SLC4A4: variants seen among roughly 807,000 people sequenced by gnomAD.
SLC4A4 encodes solute carrier family 4 member 4, also known as electrogenic sodium bicarbonate cotransporter 1.
A neutral mutation model predicts 111.5 loss-of-function variants in SLC4A4; 27 were observed. The ratio of observed to expected loss-of-function variants is 0.24; its 90% CI spans 0.18 to 0.33. The LOEUF (loss-of-function observed/expected upper bound fraction) is 0.33. Among genes scored for constraint, SLC4A4 ranks in the 10% least tolerant of loss-of-function variants. The pLI is 1.00. For synonymous variants in SLC4A4, 443 were observed against 463.4 expected (o/e 0.96, Z 0.57); for missense variants, 909 against 1,315.5 (o/e 0.69, Z 4.78).
intron 15 of SLC4A4, among the ~76,000 whole-genome samples, chr4:71,496,630 C>T (rs981966808): frequency 4.6e-5 from 7 of 151,972 alleles, no homozygotes; most frequent in Non-Finnish European, 8.8e-5. Context: ...GCAGCTAGTA[C>T]TCAGAGCAAC....
intron 2 of SLC4A4, among the ~76,000 whole-genome samples, chr4:71,170,308 G>A (rs1325976126): frequency 6.6e-6 from 1 of 152,142 alleles, no homozygotes; most frequent in Admixed American, 6.6e-5. Context: ...TCAGTACTTT[G>A]CTGAATCTTG....
At chr4:71,150,241 A>G (rs1427063436) in intron 2 of SLC4A4, among the ~76,000 whole-genome samples, 3 of 152,168 alleles carry the variant, frequency 2.0e-5, no homozygotes, top group Non-Finnish European at 4.4e-5. Context: ...GAAACAGAGT[A>G]TCTGGAAACA....
Position 71,515,561 on chromosome 4 carries a change from G to C in SLC4A4, c.2167-16501G>C, listed in dbSNP as rs56348208. 9.0e-3 allele frequency among the ~76,000 whole-genome samples: 1,377 copies of C among 152,252 alleles called. 21 individuals carry two copies. The highest frequency in any genetic ancestry group is 0.03 in the African/African-American group (1,260 of 41,544). On this transcript the variant is annotated intron_variant, in intron 16 of 25. Transcript: ENST00000264485. The stretch of plus-strand genomic sequence containing the variant: ...AAATCTAGATTATCTATTTAATGCT[G>C]ACAACGGGGTGTTAAAATCTTCTAC...
chr4:71,516,849 C>G (rs904684762), intron 16 of SLC4A4, among the ~76,000 whole-genome samples: 3 of 152,120 alleles, frequency 2.0e-5, no homozygotes, highest in Non-Finnish European at 2.9e-5. Context: ...GTTCTTCTTT[C>G]TGGAAAGAGT....
At chr4:71,329,791 T>C (rs565949636) in intron 3 of SLC4A4, among the ~76,000 whole-genome samples, 9 of 152,178 alleles carry the variant, frequency 5.9e-5, no homozygotes, top group Non-Finnish European at 1.2e-4. Context: ...TCTTTCCAAA[T>C]TGAATGCCCT....
chr4:71,282,719 A>G (rs1451779714), intron 3 of SLC4A4, among the ~76,000 whole-genome samples: 1 of 151,168 alleles, frequency 6.6e-6, no homozygotes, highest in Non-Finnish European at 1.5e-5. Context: ...AGTAGCTGGG[A>G]CCACAGGTGT....
At chr4:71,521,666 A>G (rs1050307915) in intron 16 of SLC4A4, among the ~76,000 whole-genome samples, 12 of 152,138 alleles carry the variant, frequency 7.9e-5, no homozygotes, top group South Asian at 2.1e-4. Context: ...AGTATATGGA[A>G]ACCACAGAAG....
At chr4:71,426,525 A>T (rs1560498810) in intron 7 of SLC4A4, among the ~76,000 whole-genome samples, 1 of 152,138 alleles carries the variant, frequency 6.6e-6, no homozygotes, top group African/African-American at 2.4e-5. Context: ...TAGGCAACGT[A>T]CTAGTCTCTA....
At chr4:71,328,206 T>C (rs920054145) in intron 3 of SLC4A4, among the ~76,000 whole-genome samples, 1 of 152,142 alleles carries the variant, frequency 6.6e-6, no homozygotes, top group Non-Finnish European at 1.5e-5. Context: ...ATATATCACA[T>C]TTCAAAAATC....
chr4:71,128,428 C>T (rs1366758394), intron 2 of SLC4A4, among the ~76,000 whole-genome samples: 1 of 152,024 alleles, frequency 6.6e-6, no homozygotes, highest in Non-Finnish European at 1.5e-5. Context: ...TGAGTGGGGA[C>T]ACAGAGCCAA....
rs147057697 is a variant in SLC4A4, at chr4:71,182,004, T to C, written c.-1-54572T>C. On this transcript the variant is annotated intron_variant, in intron 2 of 26. Transcript: ENST00000649996. Reference sequence around the variant, plus strand: ...CTGGGATAGTTGGACACCCTCTTCATAGCATTTATCACTTCATTGCATTTA... The same window carrying C: ...CTGGGATAGTTGGACACCCTCTTCACAGCATTTATCACTTCATTGCATTTA... Among the ~76,000 whole-genome samples, 755 of 152,332 alleles carry C rather than the reference T, an allele frequency of 5.0e-3. 5 individuals are homozygous for C. The highest frequency in any genetic ancestry group is 8.8e-3 in the Admixed American group (134 of 15,298).
At chr4:71,357,618 T>C (rs1730402377) in intron 6 of SLC4A4, among the ~76,000 whole-genome samples, 1 of 152,204 alleles carries the variant, frequency 6.6e-6, no homozygotes, top group African/African-American at 2.4e-5. Context: ...AAGTGTTTGC[T>C]TAGTATGTGA....
At chr4:71,439,283 C>T (rs1724455248) in intron 7 of SLC4A4, among the ~76,000 whole-genome samples, 1 of 150,846 alleles carries the variant, frequency 6.6e-6, no homozygotes, top group South Asian at 2.1e-4. Context: ...AAAAAATTAC[C>T]CAGGCATGGT....
At chr4:71,389,261 C>T (rs1719051774) in intron 6 of SLC4A4, among the ~76,000 whole-genome samples, 1 of 152,178 alleles carries the variant, frequency 6.6e-6, no homozygotes, top group African/African-American at 2.4e-5. Flanking sequence ...ATCTTTATCC[C>T]ATACATTAGG....
At chr4:71,357,337 C>A in intron 6 of SLC4A4, 150 bp downstream of exon 6, 1 of 809,204 alleles carries the variant, frequency 1.2e-6, no homozygotes, top group South Asian at 1.6e-5. Flanking sequence ...CATTTTTAAT[C>A]CAGTTGGACA....
chr4:71,262,327 G>A lies in SLC4A4; in HGVS notation c.253+6928G>A, dbSNP rs1020727177. ...AGAAGTAGTTGGGGTGAGGGACCAC[G>A]GGCCTACTCTATAAATAAATTCTGC... On this transcript the variant is annotated intron_variant, in intron 3 of 25. Coordinates refer to ENST00000264485, the MANE Select transcript of SLC4A4 (RefSeq NM_001098484.3). Among the ~76,000 whole-genome samples the A allele has an allele frequency of 1.4e-4, 21 of 152,212 alleles. No homozygotes were observed. In the East Asian group the frequency reaches 1.7e-3, roughly 13 times the overall value.
intron 3 of SLC4A4, among the ~76,000 whole-genome samples, chr4:71,272,231 G>A (rs770138868): frequency 2.6e-5 from 4 of 152,204 alleles, no homozygotes; most frequent in Non-Finnish European, 5.9e-5. Context: ...TTGTAGAAAA[G>A]CTCATGTAGT....
rs114939546 is a variant in SLC4A4 at position 71,393,268 on chromosome 4, G to A, written c.731-4309G>A. 7.7e-3 allele frequency among the ~76,000 whole-genome samples: 1,173 copies of A among 152,114 alleles called. 16 individuals are homozygous for A. Among genetic ancestry groups the A allele is most frequent in the African/African-American group, 0.025 (1,027 of 41,500 alleles). ...TATGACTGTTTACATTGAAAACCCT[G>A]AAGACTCCTCCAGAAAGCTCCTAGA... On this transcript the variant is annotated intron_variant, in intron 6 of 25. Coordinates refer to ENST00000264485, the MANE Select transcript of SLC4A4 (RefSeq NM_001098484.3).
At chr4:71,147,379 A>G (rs561245881) in intron 2 of SLC4A4, among the ~76,000 whole-genome samples, 2 of 151,528 alleles carry the variant, frequency 1.3e-5, no homozygotes, top group South Asian at 4.2e-4. Context: ...CTTTTTCCCA[A>G]CTCTCCTTGG....
Sources: allele counts gnomAD v4.1 joint callset (sites outside exome capture counted in the v4.1 genomes callset), GRCh38; gene constraint gnomAD v4.1.1; transcripts MANE v1.5; gene names NCBI Gene and HGNC (gene_info 2026-07-23, HGNC 2026-07-21).